PTN: variants seen among roughly 807,000 people sequenced by gnomAD.
PTN encodes the protein heparin affin regulatory protein.
A neutral mutation model predicts 24.1 loss-of-function variants in PTN; 18 were observed. That is an observed-to-expected ratio of 0.75 (90% CI 0.52 to 1.11). PTN has a LOEUF of 1.11. Ranked by LOEUF, PTN falls within the 50% of genes least tolerant of loss-of-function variation. The pLI is 0.00. For missense variants in PTN, 163 were observed against 198.8 expected, an observed-to-expected ratio of 0.82 and a Z score of 1.08; for synonymous variants, 78 against 68.6, an observed-to-expected ratio of 1.14 and a Z score of -0.67.
At chr7:137,242,215 A>T (rs1180220792) in intron 4 of PTN, among the ~76,000 whole-genome samples, 1 of 152,170 alleles carries the variant, frequency 6.6e-6, no homozygotes, top group African/African-American at 2.4e-5. Context: ...TCTTGCACTT[A>T]AACAGTTTCT....
intron 1 of PTN, among the ~76,000 whole-genome samples, chr7:137,335,664 C>T (rs539202646): frequency 6.6e-6 from 1 of 152,260 alleles, no homozygotes; most frequent in African/African-American, 2.4e-5. Context: ...AAAGCAGACT[C>T]TGAGATTTCA....
intron 1 of PTN, among the ~76,000 whole-genome samples, chr7:137,322,016 T>A (rs1376157695): frequency 6.6e-6 from 1 of 152,188 alleles, no homozygotes; most frequent in African/African-American, 2.4e-5. Context: ...AACAGAAACA[T>A]GTTTAGCTGA....
chr7:137,275,496 G>C (rs376755761), intron 1 of PTN, among the ~76,000 whole-genome samples: 1 of 152,160 alleles, frequency 6.6e-6, no homozygotes, highest in South Asian at 2.1e-4. Flanking sequence ...GGCTCATTAA[G>C]AGGATTCAGC....
chr7:137,341,220 A>G (rs893869536), intron 1 of PTN, among the ~76,000 whole-genome samples: 4 of 152,212 alleles, frequency 2.6e-5, no homozygotes, highest in Non-Finnish European at 1.5e-5. Flanking sequence ...AAGTGATTCA[A>G]CTATCTGGGG....
chr7:137,267,961 G>C (rs886191012), intron 1 of PTN, among the ~76,000 whole-genome samples: 3 of 151,072 alleles, frequency 2.0e-5, no homozygotes, highest in Non-Finnish European at 4.4e-5. Context: ...ATCCTGTCAA[G>C]CAATTCAAAC....
At chr7:137,264,903 T>C (rs1179039321) in intron 1 of PTN, among the ~76,000 whole-genome samples, 2 of 152,140 alleles carry the variant, frequency 1.3e-5, no homozygotes, top group Non-Finnish European at 2.9e-5. Flanking sequence ...AAACCCCTTC[T>C]AGTGTTTTGA....
At chr7:137,298,021 C>T (rs1165279139) in intron 1 of PTN, among the ~76,000 whole-genome samples, 1 of 151,948 alleles carries the variant, frequency 6.6e-6, no homozygotes, top group Non-Finnish European at 1.5e-5. Context: ...GCTCACTCTG[C>T]AAGAACAGAG....
chr7:137,233,514 A>G (rs940643813), intron 4 of PTN, among the ~76,000 whole-genome samples: 5 of 152,040 alleles, frequency 3.3e-5, no homozygotes, highest in African/African-American at 9.7e-5. Context: ...TGAACAAGAC[A>G]AAACTCTGCC....
intron 1 of PTN, among the ~76,000 whole-genome samples, chr7:137,271,702 T>C (rs1809278533): frequency 6.6e-6 from 1 of 152,176 alleles, no homozygotes; most frequent in Non-Finnish European, 1.5e-5. Flanking sequence ...AATTGTTTAG[T>C]TTCCTCCTAA....
At chr7:137,316,996 T>C (rs1259944251) in intron 1 of PTN, among the ~76,000 whole-genome samples, 1 of 152,184 alleles carries the variant, frequency 6.6e-6, no homozygotes, top group East Asian at 1.9e-4. Flanking sequence ...GCCTCTCCAT[T>C]GGAGGTGGGG....
intron 4 of PTN, among the ~76,000 whole-genome samples, chr7:137,247,424 G>A (rs1808742907): frequency 6.6e-6 from 1 of 152,184 alleles, no homozygotes; most frequent in Non-Finnish European, 1.5e-5. Flanking sequence ...CACAGAAAGA[G>A]AAACATTGCG....
At chr7:137,295,601 T>G (rs1809707212) in intron 1 of PTN, among the ~76,000 whole-genome samples, 1 of 152,116 alleles carries the variant, frequency 6.6e-6, no homozygotes, top group Non-Finnish European at 1.5e-5. Context: ...AAGTATATCA[T>G]TCACAAGTTT....
chr7:137,285,394 G>A (rs188719410), intron 1 of PTN, among the ~76,000 whole-genome samples: 7 of 152,206 alleles, frequency 4.6e-5, no homozygotes, highest in Admixed American at 6.5e-5. Context: ...GGCCAGGGGC[G>A]GTAGACCACG....
chr7:137,324,433 A>AAAAAAAAAAATATATATATATATAT, intron 1 of PTN, among the ~76,000 whole-genome samples: 26 of 88,750 alleles, frequency 2.9e-4, no homozygotes, highest in African/African-American at 1.7e-3. Flanking sequence ...AAAAAAAAAA[A>AAAAAAAAAAATATATATATATATAT]ATATATATAT....
At chr7:137,244,832 A>G (rs1031004892) in intron 4 of PTN, among the ~76,000 whole-genome samples, 1 of 152,124 alleles carries the variant, frequency 6.6e-6, no homozygotes, top group African/African-American at 2.4e-5. Flanking sequence ...TCAAGAAGTA[A>G]TGCTGTTAGA....
At chr7:137,287,743 A>G (rs1809579341) in intron 1 of PTN, 8 of 152,224 alleles carry the variant, frequency 5.3e-5, no homozygotes, top group Admixed American at 5.2e-4. Flanking sequence ...CTTGATGACA[A>G]TAAAAGATCT....
chr7:137,335,440 T>A lies in PTN; in HGVS notation c.-2+7999A>T, dbSNP rs188017631. Among the ~76,000 whole-genome samples, 4 of 152,262 alleles carry A rather than the reference T, an allele frequency of 2.6e-5. No individual in the cohort carries two copies. In the East Asian group the frequency reaches 7.7e-4, roughly 29 times the overall value. ...CATAAATAATCATACATTGTAAATA[T>A]TATTTGGTCACAAAGATGTAAGTTT... On this transcript the variant is annotated intron_variant, in intron 1 of 4. Coordinates refer to ENST00000348225, the MANE Select transcript of PTN (RefSeq NM_002825.7).
At chr7:137,262,220 C>T (rs1246368069) in intron 1 of PTN, among the ~76,000 whole-genome samples, 2 of 152,024 alleles carry the variant, frequency 1.3e-5, no homozygotes, top group East Asian at 3.9e-4. Context: ...GAGATCTTTG[C>T]TTTGCTTATT....
rs2128871514 is a variant in PTN at position 137,254,958 on chromosome 7, A to G, written c.16T>C (p.Tyr6His). The G allele has an allele frequency of 1.3e-6, 2 of 1,558,912 alleles. No individual in the cohort carries two copies. The highest frequency in any genetic ancestry group is 2.3e-5 in the East Asian group (1 of 44,228). ...GCAAATTTTCGACGCTGCTGCTGGT[A>G]CTGTTGAGCCTGCATTCTAGGAATA... The part of the protein sequence containing the change: MQAQQ[Y>H]QQQRRKFAAA... The change falls in exon 2 of 5, where the codon TAC (tyrosine) becomes CAC (histidine). Residue 6 changes from tyrosine (Y) to histidine (H), a missense_variant. Coordinates refer to ENST00000348225, the MANE Select transcript of PTN (RefSeq NM_002825.7).
Sources: allele counts gnomAD v4.1 joint callset (sites outside exome capture counted in the v4.1 genomes callset), GRCh38; gene constraint gnomAD v4.1.1; transcripts MANE v1.5; gene names NCBI Gene and HGNC (gene_info 2026-07-23, HGNC 2026-07-21).